UCN3: variants seen among roughly 807,000 people sequenced by gnomAD.
UCN3 encodes the protein urocortin 3, also known as urocortin-3.
A neutral mutation model predicts 3.6 loss-of-function variants in UCN3; 3 were observed. That is an observed-to-expected ratio of 0.83 (90% CI 0.38 to 2.15). The LOEUF (loss-of-function observed/expected upper bound fraction) is 2.15. Ranked by LOEUF, UCN3 falls within the 30% of genes most tolerant of loss-of-function variation. UCN3 has a pLI of 0.06. For synonymous variants in UCN3, 100 were observed against 93.2 expected (o/e 1.07, Z -0.42); for missense variants, 206 against 208.3 (o/e 0.99, Z 0.07).
chr10:5,370,828 C>CGT (rs1187246802), intron 1 of UCN3, among the ~76,000 whole-genome samples: 1 of 48,856 alleles, frequency 2.0e-5, no homozygotes, highest in Non-Finnish European at 3.6e-5. Flanking sequence ...TGTGTGCGCG[C>CGT]GTGTGTGTGC....
intron 1 of UCN3, among the ~76,000 whole-genome samples, chr10:5,371,012 CAT>C (rs1424084483): frequency 1.2e-4 from 18 of 147,094 alleles, no homozygotes; most frequent in African/African-American, 2.9e-4. Context: ...CATATGTGTG[CAT>C]ATATATACGT....
In UCN3 at chr10:5,373,976, G is replaced by A. The variant is rs1296994826; in HGVS notation, c.256G>A (p.Ala86Thr). 2.5e-6 allele frequency: 4 copies of A among 1,610,406 alleles called. No homozygotes were observed. The highest frequency in any genetic ancestry group is 2.2e-5 in the East Asian group (1 of 44,708). Residue 86 changes from alanine to threonine, a missense_variant, in exon 2 of 2, where the codon GCC becomes ACC. Physicochemically the swap from Ala to Thr is moderately conservative, Grantham distance 58. Transcript: ENST00000380433. ...GAAAAAGACTTTCCCCATCTCTGGG[G>A]CCAGGGGTGGAGCCAGAGGCACCCG... ...KEKKTFPISG[A>T]RGGARGTRYR...
In UCN3 at chr10:5,374,273, G is replaced by C. The variant is rs1379294687; in HGVS notation, c.*67G>C. 5.3e-6 allele frequency: 3 copies of C among 568,212 alleles called. No individual in the cohort carries two copies. Among genetic ancestry groups the C allele is most frequent in the South Asian group, 4.0e-5 (2 of 49,902 alleles). 35.2% of individuals were successfully genotyped at this position (568,212 alleles called of 1,614,324 possible). A position where few individuals can be genotyped will look rare whatever the true frequency, so the allele number is the denominator to read the frequency against. On this transcript the variant is annotated 3_prime_UTR_variant, in exon 2 of 2. Coordinates refer to ENST00000380433, the MANE Select transcript of UCN3 (RefSeq NM_053049.4). ...AGGGGAGGGGGAGGGGAGGGCGAGG[G>C]GGGGAGGGGAGGGGGAGGGTGCTGT...
chr10:5,370,223 G>GTGTGTGTGTATATGCGTGTGTGTATA lies in UCN3; in HGVS notation c.-6-3490_-6-3489insTGTGTGTATATGCGTGTGTGTATATG, dbSNP rs781842004. ...TATATGCGTGTGTATGTGTGTGTAT[G>GTGTGTGTGTATATGCGTGTGTGTATA]TGCGTGTGTGTATGCGTGTGTGTAT... On this transcript the variant is annotated intron_variant, in intron 1 of 1. Transcript: ENST00000380433. Among the ~76,000 whole-genome samples the GTGTGTGTGTATATGCGTGTGTGTATA allele has an allele frequency of 1.5e-4, 2 of 13,764 alleles. 1 individual carries two copies. The highest frequency in any genetic ancestry group is 2.2e-4 in the Non-Finnish European group (2 of 9,044). 9.0% of individuals were successfully genotyped at this position (13,764 alleles called of 152,430 possible). A position where few individuals can be genotyped will look rare whatever the true frequency, so the allele number is the denominator to read the frequency against.
chr10:5,370,525 G>GTGTGTGTATATGTGTGTGTA (rs1831372625), intron 1 of UCN3, among the ~76,000 whole-genome samples: 1 of 65,400 alleles, frequency 1.5e-5, no homozygotes, highest in Non-Finnish European at 2.8e-5. Flanking sequence ...GTGTGTGTAT[G>GTGTGTGTATATGTGTGTGTA]TGTGTGTGTA....
chr10:5,367,996 A>G lies in UCN3; in HGVS notation c.-7+2766A>G, dbSNP rs976494351. ...CCAGGGTTGCATCTCAGCACCCTCT[A>G]ATTTTTTTAATTTATTTATTTTTTT... On this transcript the variant is annotated intron_variant, in intron 1 of 1. Coordinates refer to ENST00000380433, the MANE Select transcript of UCN3 (RefSeq NM_053049.4). The surrounding 1 kb of genome is among the most constrained non-coding windows in gnomAD (Gnocchi z 4.3). 6.6e-6 allele frequency among the ~76,000 whole-genome samples: 1 copy of G among 151,940 alleles called. No homozygotes were observed. The highest frequency in any genetic ancestry group is 1.5e-5 in the Non-Finnish European group (1 of 67,960).
In UCN3 at chr10:5,370,465, GTA is replaced by G. The variant is rs1281352598; in HGVS notation, c.-6-3246_-6-3245del. On this transcript the variant is annotated intron_variant, in intron 1 of 1. Coordinates refer to ENST00000380433, the MANE Select transcript of UCN3 (RefSeq NM_053049.4). ...TGTGTATGTGTGTGTGTATATGTGTGTATATGCGTGTGTATATGTGTGTATGT... is the reference window on the plus strand; with the variant it reads ...TGTGTATGTGTGTGTGTATATGTGTGTATGCGTGTGTATATGTGTGTATGT... 1.1e-4 allele frequency among the ~76,000 whole-genome samples: 13 copies of G among 116,574 alleles called. 2 individuals are homozygous for G. The highest frequency in any genetic ancestry group is 9.5e-4 in the Admixed American group (10 of 10,482). 76.5% of individuals were successfully genotyped at this position (116,574 alleles called of 152,430 possible). A position where few individuals can be genotyped will look rare whatever the true frequency, so the allele number is the denominator to read the frequency against.
intron 1 of UCN3, among the ~76,000 whole-genome samples, chr10:5,372,030 G>T (rs782434660): frequency 6.6e-5 from 10 of 152,220 alleles, no homozygotes; most frequent in Non-Finnish European, 1.2e-4. Context: ...GCATGTCGGG[G>T]TGTGAGCGGG....
chr10:5,369,989 G>A lies in UCN3; in HGVS notation c.-6-3726G>A, dbSNP rs1310301923. On this transcript the variant is annotated intron_variant, in intron 1 of 1. Transcript: ENST00000380433. ...TGCGTGTGTATATGCGTGTGTATAT[G>A]TGTGTATGTGTGTGTGTATGTGTGT... is the stretch of plus-strand genomic sequence containing the variant. Among the ~76,000 whole-genome samples, 5 of 80,076 alleles carry A rather than the reference G, an allele frequency of 6.2e-5. 1 individual carries two copies. The highest frequency in any genetic ancestry group is 1.1e-4 in the Non-Finnish European group (4 of 37,784). 52.5% of individuals were successfully genotyped at this position (80,076 alleles called of 152,430 possible).
At position 5,370,840 on chromosome 10, in the gene UCN3, CGTGTGTGT is replaced by C; in HGVS notation, c.-6-2873_-6-2866del. 4.9e-5 allele frequency among the ~76,000 whole-genome samples: 2 copies of C among 40,730 alleles called. 1 individual carries two copies. Among genetic ancestry groups the C allele is most frequent in the African/African-American group, 2.3e-4 (2 of 8,702 alleles). 26.7% of individuals were successfully genotyped at this position (40,730 alleles called of 152,430 possible). On this transcript the variant is annotated intron_variant, in intron 1 of 1. Transcript: ENST00000380433. ...GTGTGTGTGCGCGCGTGTGTGTGCGCGTGTGTGTGCGCGTGTGTGTGCGTGTGTATGTG... is the reference window on the plus strand; with the variant it reads ...GTGTGTGTGCGCGCGTGTGTGTGCGCGCGCGTGTGTGTGCGTGTGTATGTG...
chr10:5,371,118 G>C (rs1163290085), intron 1 of UCN3, among the ~76,000 whole-genome samples: 1 of 151,074 alleles, frequency 6.6e-6, no homozygotes, highest in African/African-American at 2.5e-5. Flanking sequence ...GCATGTACAT[G>C]TGAGGTATGT....
In UCN3 at chr10:5,366,818, C is replaced by T. The variant is rs782313953; in HGVS notation, c.-7+1588C>T. Among the ~76,000 whole-genome samples, 3 of 152,196 alleles carry T rather than the reference C, an allele frequency of 2.0e-5. No homozygotes were observed. Among genetic ancestry groups the T allele is most frequent in the Non-Finnish European group, 4.4e-5 (3 of 68,040 alleles). ...GTAAGGGGACACCTTTCAATACCCT[C>T]ACAACCGTGTGCAGGCTAGAGCTGA... On this transcript the variant is annotated intron_variant, in intron 1 of 1. Transcript: ENST00000380433. This position sits in a 1 kb window ranked among gnomAD's most constrained non-coding sequence, Gnocchi z 4.2.
In UCN3 at chr10:5,365,608, G is replaced by A. The variant is rs1834109510; in HGVS notation, c.-7+378G>A. On this transcript the variant is annotated intron_variant, in intron 1 of 1. Transcript: ENST00000380433. The surrounding 1 kb of genome is among the most constrained non-coding windows in gnomAD (Gnocchi z 4.4). ...ATGGGGTAGGGATGCCGGGGCTAAT[G>A]GGAGCCACAGGACATGACTCCACGC... Among the ~76,000 whole-genome samples, 1 of 152,190 alleles carries A rather than the reference G, an allele frequency of 6.6e-6. No individual in the cohort carries two copies. Among genetic ancestry groups the A allele is most frequent in the South Asian group, 2.1e-4 (1 of 4,820 alleles).
At chr10:5,370,759 G>A (rs1479415689) in intron 1 of UCN3, among the ~76,000 whole-genome samples, 1 of 136,026 alleles carries the variant, frequency 7.4e-6, no homozygotes, top group Non-Finnish European at 1.5e-5. Flanking sequence ...TGATGTGTGT[G>A]TATATGCGTG....
chr10:5,371,583 G>A (rs1392175671), intron 1 of UCN3, among the ~76,000 whole-genome samples: 1 of 152,084 alleles, frequency 6.6e-6, no homozygotes, highest in African/African-American at 2.4e-5. Context: ...GTTGGGCTTG[G>A]GTTGGGTCCA....
intron 1 of UCN3, among the ~76,000 whole-genome samples, chr10:5,369,935 GTGTATGTGTGTGTA>G (rs200859495): frequency 2.9e-5 from 4 of 138,696 alleles, no homozygotes; most frequent in East Asian, 2.1e-4. Context: ...ATGTGTGTGT[GTGTATGTGTGTGTA>G]TATGTGTGTG....
rs1831476798 is a variant in UCN3, at chr10:5,374,462, C to G, written c.*256C>G. The G allele has an allele frequency of 6.9e-6, 3 of 431,924 alleles. No individual in the cohort carries two copies. Among genetic ancestry groups the G allele is most frequent in the Non-Finnish European group, 4.2e-6 (1 of 236,158 alleles). The allele number at this position is 431,924 out of a possible 1,614,324, so 26.8% of individuals were successfully genotyped here. A position where few individuals can be genotyped will look rare whatever the true frequency, so the allele number is the denominator to read the frequency against. On this transcript the variant is annotated 3_prime_UTR_variant, in exon 2 of 2. Coordinates refer to ENST00000380433, the MANE Select transcript of UCN3 (RefSeq NM_053049.4). ...CCCAGACACAAAGCAGCTAACGTTC[C>G]TCCCTGTACTCAGCGTCTCCTTCCT...
rs781928231 is a variant in UCN3 at position 5,374,011 on chromosome 10, C to A, written c.291C>A (p.Tyr97Ter). The A allele has an allele frequency of 6.2e-7, 1 of 1,611,348 alleles. No individual in the cohort carries two copies. Among genetic ancestry groups the A allele is most frequent in the East Asian group, 2.2e-5 (1 of 44,752 alleles). Residue 97 changes from tyrosine to a stop codon, truncating the protein, a stop_gained, in exon 2 of 2, where the codon TAC (tyrosine) becomes TAA (stop). Transcript: ENST00000380433. LOFTEE classifies it high-confidence loss of function. Reference sequence around the variant, plus strand: ...GAGCCAGAGGCACCCGGTACAGATACGTGTCCCAAGCACAGCCCAGGGGAA... The same window carrying A: ...GAGCCAGAGGCACCCGGTACAGATAAGTGTCCCAAGCACAGCCCAGGGGAA... ...RGGARGTRYR[Y>*]VSQAQPRGKP...
At chr10:5,371,818 C>T (rs782793969) in intron 1 of UCN3, among the ~76,000 whole-genome samples, 3 of 152,192 alleles carry the variant, frequency 2.0e-5, no homozygotes, top group Non-Finnish European at 2.9e-5. Flanking sequence ...GAAAAACTAA[C>T]GTAAGAAAAG....
Sources: allele counts gnomAD v4.1 joint callset (sites outside exome capture counted in the v4.1 genomes callset), GRCh38; gene constraint gnomAD v4.1.1; non-coding constraint Gnocchi (gnomAD v3.1); transcripts MANE v1.5; gene names NCBI Gene and HGNC (gene_info 2026-07-23, HGNC 2026-07-21).